The following LRRC37A2 variants were observed in gnomAD, a reference collection of about 807,000 sequenced individuals.
LRRC37A2 encodes the protein leucine-rich repeat-containing protein 37A2.
Under a neutral mutation model 68.8 loss-of-function variants are expected in LRRC37A2, and 9 were observed. That is an observed-to-expected ratio of 0.13 (90% CI 0.08 to 0.23). LRRC37A2 has a LOEUF of 0.23. Ranked by LOEUF, LRRC37A2 falls within the 10% of genes least tolerant of loss-of-function variation. The pLI, the probability that LRRC37A2 is intolerant of heterozygous loss-of-function variation, is 1.00. For synonymous variants in LRRC37A2, 63 were observed against 367.6 expected, an observed-to-expected ratio of 0.17 and a Z score of 9.48; for missense variants, 168 against 950.4, an observed-to-expected ratio of 0.18 and a Z score of 10.82.
At chr17:46,852,884 C>G in the LRRC37A2 span, among the ~76,000 whole-genome samples, 81 of 152,218 alleles carry the variant, frequency 5.3e-4, no homozygotes, top group Middle Eastern at 0.01. Context: ...GGGCTGTGGG[C>G]TAATTTCCAG....
the LRRC37A2 span, among the ~76,000 whole-genome samples, chr17:46,760,870 A>T: frequency 1.3e-5 from 2 of 152,168 alleles, no homozygotes; most frequent in Non-Finnish European, 2.9e-5. Flanking sequence ...TTATTTAAAA[A>T]TTTCATAAAA....
chr17:46,835,337 G>C, the LRRC37A2 span, among the ~76,000 whole-genome samples: 3 of 152,000 alleles, frequency 2.0e-5, no homozygotes, highest in East Asian at 1.9e-4. Flanking sequence ...TCAGCCTCCC[G>C]AGTAGCTGGG....
chr17:46,739,654 A>C, the LRRC37A2 span, among the ~76,000 whole-genome samples: 1 of 151,928 alleles, frequency 6.6e-6, no homozygotes, highest in Non-Finnish European at 1.5e-5. Context: ...AAAAAAAATA[A>C]ATTTTCCACC....
chr17:46,532,838 C>T (rs1414038079), intron 6 of LRRC37A2, among the ~76,000 whole-genome samples: 3 of 149,702 alleles, frequency 2.0e-5, no homozygotes, highest in East Asian at 3.9e-4. Context: ...CAGTGGCTCA[C>T]ACCTGTCATC....
chr17:46,759,877 A>G, the LRRC37A2 span, among the ~76,000 whole-genome samples: 5 of 152,204 alleles, frequency 3.3e-5, no homozygotes, highest in African/African-American at 1.2e-4. Flanking sequence ...TCAGATTTTT[A>G]AACAACGTCC....
the LRRC37A2 span, among the ~76,000 whole-genome samples, chr17:46,825,473 G>A: frequency 5.3e-5 from 8 of 152,256 alleles, no homozygotes; most frequent in African/African-American, 1.9e-4. Flanking sequence ...AAGGCTCCAC[G>A]AGGAATGGGA....
chr17:46,764,669 G>C, the LRRC37A2 span: 4 of 152,254 alleles, frequency 2.6e-5, no homozygotes, highest in Non-Finnish European at 5.9e-5. Flanking sequence ...TCCATTCCCA[G>C]AGACCACCCA....
chr17:46,935,261 C>T, the LRRC37A2 span: 8 of 1,603,580 alleles, frequency 5.0e-6, no homozygotes, highest in Non-Finnish European at 6.8e-6. Flanking sequence ...ATTACGTGTC[C>T]TCAAATTGTG....
At chr17:46,558,633 C>T (rs2667911), downstream of LRRC37A2, among the ~76,000 whole-genome samples, 1 of 127,174 alleles carries the variant, frequency 7.9e-6, no homozygotes, top group Non-Finnish European at 1.6e-5. Flanking sequence ...TCAAGTGATC[C>T]GCTCACCTTG....
At chr17:46,867,003 T>G in the LRRC37A2 span, among the ~76,000 whole-genome samples, 3 of 152,226 alleles carry the variant, frequency 2.0e-5, no homozygotes, top group Non-Finnish European at 4.4e-5. Flanking sequence ...ACAGGCAGGA[T>G]GGGACTGGTC....
the LRRC37A2 span, among the ~76,000 whole-genome samples, chr17:46,441,783 CCCTT>C: frequency 2.4e-4 from 10 of 41,770 alleles, no homozygotes; most frequent in Non-Finnish European, 3.4e-4. Flanking sequence ...TTCTTTCTGC[CCCTT>C]CCTTAGCAAT....
the LRRC37A2 span, among the ~76,000 whole-genome samples, chr17:46,909,283 C>T: frequency 6.6e-6 from 1 of 152,152 alleles, no homozygotes; most frequent in Non-Finnish European, 1.5e-5. Flanking sequence ...CTCCTGCATT[C>T]GCTTCCCAAA....
At chr17:46,844,594 C>T in the LRRC37A2 span, among the ~76,000 whole-genome samples, 2 of 152,158 alleles carry the variant, frequency 1.3e-5, no homozygotes, top group Admixed American at 1.3e-4. Context: ...TTGCATTCCT[C>T]TAGGCACCTA....
the LRRC37A2 span, among the ~76,000 whole-genome samples, chr17:47,046,354 C>T: frequency 0.48 from 41,951 of 87,944 alleles, 10,918 homozygotes; most frequent in Non-Finnish European, 0.53. Context: ...TAATAATTTT[C>T]CGCTTGGTAA....
chr17:46,730,657 T>C, the LRRC37A2 span, among the ~76,000 whole-genome samples: 1 of 152,134 alleles, frequency 6.6e-6, no homozygotes, highest in Non-Finnish European at 1.5e-5. Flanking sequence ...ACAAATACCT[T>C]ATCAACAAAA....
At chr17:46,979,283 G>A in the LRRC37A2 span, 1 of 280,140 alleles carries the variant, frequency 3.6e-6, no homozygotes, top group Non-Finnish European at 7.0e-6. Context: ...GGTTCCTCGC[G>A]CGCCTGGCCG....
the LRRC37A2 span, among the ~76,000 whole-genome samples, chr17:46,839,774 G>A: frequency 3.3e-5 from 5 of 152,074 alleles, no homozygotes; most frequent in Non-Finnish European, 5.9e-5. Context: ...AGAACATGCA[G>A]TGTTTGGTTT....
chr17:46,932,032 TC>T, the LRRC37A2 span: 1 of 1,608,594 alleles, frequency 6.2e-7, no homozygotes, highest in Non-Finnish European at 8.5e-7. Context: ...TGCCCTGAGT[TC>T]CTGGAATTTA....
Position 46,525,619 on chromosome 17 carries a change from TC to T in LRRC37A2, c.2906+1736del, listed in dbSNP as rs1184604190. On this transcript the variant is annotated intron_variant, in intron 6 of 14. Coordinates refer to ENST00000576629, the Ensembl canonical transcript of LRRC37A2. ...AATAATAATATAATAATAATAATCATCATCATCATCATCATCATCATCATCA... is the reference window on the plus strand; with the variant it reads ...AATAATAATATAATAATAATAATCATATCATCATCATCATCATCATCATCA... 6.3e-5 allele frequency among the ~76,000 whole-genome samples: 7 copies of T among 110,772 alleles called. 2 individuals are homozygous for T. The highest frequency in any genetic ancestry group is 4.5e-4 in the Admixed American group (5 of 11,118). The allele number at this position is 110,772 out of a possible 152,430, so 72.7% of individuals were successfully genotyped here. A position where few individuals can be genotyped will look rare whatever the true frequency, so the allele number is the denominator to read the frequency against.
Sources: allele counts gnomAD v4.1 joint callset (sites outside exome capture counted in the v4.1 genomes callset), GRCh38; gene constraint gnomAD v4.1.1; transcripts MANE v1.5; gene names NCBI Gene and HGNC (gene_info 2026-07-23, HGNC 2026-07-21).